Variants in ADCY8 observed in about 807,000 individuals in gnomAD.
ADCY8 encodes the protein adenylate cyclase 8.
A neutral mutation model predicts 119.7 loss-of-function variants in ADCY8; 51 were observed. The observed-to-expected ratio is 0.43, with a 90% CI of 0.34 to 0.54. ADCY8 has a LOEUF of 0.54. Among genes scored for constraint, ADCY8 ranks in the 20% least tolerant of loss-of-function variants. ADCY8 has a pLI of 0.03. For synonymous variants in ADCY8, 665 were observed against 651.0 expected (o/e 1.02, Z -0.33); for missense variants, 1,383 against 1,598.8 (o/e 0.87, Z 2.30).
In ADCY8 at chr8:130,847,479, T is replaced by A; in HGVS notation, c.2447A>T (p.Lys816Met). 2 of 1,612,750 alleles carry A rather than the reference T, an allele frequency of 1.2e-6. No individual in the cohort carries two copies. Among genetic ancestry groups the A allele is most frequent in the Non-Finnish European group, 1.7e-6 (2 of 1,179,584 alleles). ...WCDFDKSIPLKNLTFNSSAVF... is the reference protein window; with the variant it reads ...WCDFDKSIPLMNLTFNSSAVF... The stretch of plus-strand genomic sequence containing the variant: ...AGCTGAGGAATTGAAAGTCAGGTTC[T>A]TCAAGGGTATCGACTTGTCAAAATC... The change falls in exon 11 of 18, where the codon AAG (lysine) becomes ATG (methionine). Residue 816 changes from lysine to methionine, a missense_variant. Physicochemically the swap from Lys to Met is moderately conservative, Grantham distance 95 (BLOSUM62 -1). Around this residue, in one of 2 missense-constraint regions of ADCY8, gnomAD observed 928 missense variants for 1,163.5 expected, o/e 0.80. Coordinates refer to ENST00000286355, the MANE Select transcript of ADCY8 (RefSeq NM_001115.3).
At chr8:130,822,224 G>T (rs1275232117) in intron 12 of ADCY8, among the ~76,000 whole-genome samples, 2 of 152,158 alleles carry the variant, frequency 1.3e-5, no homozygotes, top group Non-Finnish European at 2.9e-5. Context: ...GGGTGTTCAG[G>T]GAAGGCTGAA....
intron 6 of ADCY8, among the ~76,000 whole-genome samples, chr8:130,906,505 C>T (rs1819790994): frequency 6.6e-6 from 1 of 152,198 alleles, no homozygotes; most frequent in African/African-American, 2.4e-5. Context: ...CTTGCCTTCA[C>T]TGATTCTTCT....
At chr8:130,973,380 A>C (rs1411322881) in intron 2 of ADCY8, among the ~76,000 whole-genome samples, 1 of 152,222 alleles carries the variant, frequency 6.6e-6, no homozygotes, top group African/African-American at 2.4e-5. Flanking sequence ...ATTAGGGCTT[A>C]TGTTTTCTTT....
At chr8:130,833,875 A>G (rs983048603) in intron 12 of ADCY8, among the ~76,000 whole-genome samples, 1 of 152,206 alleles carries the variant, frequency 6.6e-6, no homozygotes, top group East Asian at 1.9e-4. Flanking sequence ...TATGGTTACC[A>G]GAGACTTGAG....
chr8:130,898,315 C>G (rs1473804612), intron 7 of ADCY8, among the ~76,000 whole-genome samples: 2 of 152,166 alleles, frequency 1.3e-5, no homozygotes, highest in African/African-American at 4.8e-5. Flanking sequence ...GACATGCTAC[C>G]TGTCCCGAAG....
At chr8:130,955,226 G>T (rs956775254) in intron 2 of ADCY8, among the ~76,000 whole-genome samples, 1 of 152,138 alleles carries the variant, frequency 6.6e-6, no homozygotes, top group Non-Finnish European at 1.5e-5. Context: ...GTGGGCCAGG[G>T]ACTGAGTTAA....
chr8:130,783,209 G>A (rs1351598044), intron 17 of ADCY8, among the ~76,000 whole-genome samples: 4 of 152,166 alleles, frequency 2.6e-5, no homozygotes, highest in East Asian at 1.9e-4. Context: ...AAGAAATGGC[G>A]AGCTTTGTGG....
At chr8:130,850,949 T>C (rs1817506039) in intron 9 of ADCY8, among the ~76,000 whole-genome samples, 1 of 152,190 alleles carries the variant, frequency 6.6e-6, no homozygotes, top group African/African-American at 2.4e-5. Flanking sequence ...GGTCTTTTTA[T>C]CTCTTTTTTT....
intron 3 of ADCY8, among the ~76,000 whole-genome samples, chr8:130,950,523 A>C (rs1466843353): frequency 6.6e-6 from 1 of 152,124 alleles, no homozygotes; most frequent in Non-Finnish European, 1.5e-5. Flanking sequence ...TTGATTGCAC[A>C]AGCAATGGAC....
chr8:131,040,096 C>A lies in ADCY8; in HGVS notation c.238G>T (p.Ala80Ser). ...GCCGAGTCGCCTGACAGCTGCGGCG[C>A]GTGGTGGTTGGGGCCGCCGCCCGCA... is the stretch of plus-strand genomic sequence containing the variant. ...DPAGGGPNHH[A>S]PQLSGDSALP... Residue 80 changes from alanine (A) to serine (S), a missense_variant, in exon 1 of 18, where the codon GCG becomes TCG. Around this residue, in one of 2 missense-constraint regions of ADCY8, gnomAD observed 455 missense variants for 435.3 expected, o/e 1.05. Transcript: ENST00000286355. 6.5e-7 allele frequency: 1 copy of A among 1,528,758 alleles called. No individual in the cohort carries two copies. The highest frequency in any genetic ancestry group is 1.2e-5 in the South Asian group (1 of 82,456). 94.7% of individuals were successfully genotyped at this position (1,528,758 alleles called of 1,614,324 possible).
At chr8:130,830,342 A>C (rs933110941) in intron 12 of ADCY8, among the ~76,000 whole-genome samples, 6 of 152,174 alleles carry the variant, frequency 3.9e-5, no homozygotes, top group African/African-American at 1.4e-4. Flanking sequence ...GTCAACTGGA[A>C]AGCCCATTTT....
At chr8:130,817,931 A>C (rs1299883162) in intron 13 of ADCY8, among the ~76,000 whole-genome samples, 1 of 152,238 alleles carries the variant, frequency 6.6e-6, no homozygotes, top group Non-Finnish European at 1.5e-5. Flanking sequence ...CGATTATCAT[A>C]AGCAGCTGCT....
chr8:130,831,112 G>A (rs1322074215), intron 12 of ADCY8, among the ~76,000 whole-genome samples: 1 of 152,176 alleles, frequency 6.6e-6, no homozygotes, highest in Non-Finnish European at 1.5e-5. Flanking sequence ...TGTGCTTATA[G>A]GTTGAGGAGC....
intron 9 of ADCY8, among the ~76,000 whole-genome samples, chr8:130,864,186 A>G (rs1239630231): frequency 1.3e-5 from 2 of 152,224 alleles, no homozygotes; most frequent in African/African-American, 2.4e-5. Flanking sequence ...TTGTTCCTCT[A>G]CAGGTAAGGC....
rs549023314 is a variant in ADCY8 at position 130,922,743 on chromosome 8, G to C, written c.1482-12877C>G. 2.0e-5 allele frequency among the ~76,000 whole-genome samples: 3 copies of C among 152,294 alleles called. No homozygotes were observed. In the South Asian group the frequency reaches 6.2e-4, roughly 32 times the overall value. Reference sequence around the variant, plus strand: ...GTTGGGTACACCTCGCAGACGGGGTGGTGGCCGGGCAGATAAATTCCCTTT... The same window carrying C: ...GTTGGGTACACCTCGCAGACGGGGTCGTGGCCGGGCAGATAAATTCCCTTT... On this transcript the variant is annotated intron_variant, in intron 5 of 17. Transcript: ENST00000286355.
Position 130,961,914 on chromosome 8 carries a change from G to A in ADCY8, c.1111-9916C>T, listed in dbSNP as rs920770411. 3.3e-5 allele frequency among the ~76,000 whole-genome samples: 5 copies of A among 152,274 alleles called. No homozygotes were observed. The South Asian group carries it at 1.0e-3, about 32-fold the overall frequency. ...CATTTGAGCCCAGGAGTTCAAGGCT[G>A]CAGCGAGCTATGATCATGCCACCGT... On this transcript the variant is annotated intron_variant, in intron 2 of 17. Coordinates refer to ENST00000286355, the MANE Select transcript of ADCY8 (RefSeq NM_001115.3).
intron 5 of ADCY8, 50 bp from the exon 6 acceptor site, chr8:130,909,916 A>G (rs1203428758): frequency 6.4e-7 from 1 of 1,558,460 alleles, no homozygotes; most frequent in Non-Finnish European, 8.8e-7. Flanking sequence ...CAGAGTGGGC[A>G]TCGTTGGCTC....
intron 1 of ADCY8, among the ~76,000 whole-genome samples, chr8:131,035,190 G>C (rs1208177843): frequency 6.6e-6 from 1 of 152,130 alleles, no homozygotes; most frequent in African/African-American, 2.4e-5. Flanking sequence ...TCATTGGTTT[G>C]AGGCTTATTT....
chr8:131,016,988 G>T (rs907195399), intron 1 of ADCY8, among the ~76,000 whole-genome samples: 1 of 151,942 alleles, frequency 6.6e-6, no homozygotes, highest in Non-Finnish European at 1.5e-5. Flanking sequence ...GGATGTTGGA[G>T]AAAGAACTCG....
Sources: allele counts gnomAD v4.1 joint callset (sites outside exome capture counted in the v4.1 genomes callset), GRCh38; gene constraint gnomAD v4.1.1; regional missense constraint gnomAD v4.1.1; transcripts MANE v1.5; gene names NCBI Gene and HGNC (gene_info 2026-07-23, HGNC 2026-07-21).